The following RAPGEF6 variants were observed in gnomAD, a reference collection of about 807,000 sequenced individuals.
RAPGEF6 encodes Rap guanine nucleotide exchange factor 6.
RAPGEF6 carries 56 observed loss-of-function variants against 171.4 expected under a neutral mutation model. The observed-to-expected ratio is 0.33, with a 90% CI of 0.26 to 0.41. The LOEUF (loss-of-function observed/expected upper bound fraction) is 0.41. Among genes scored for constraint, RAPGEF6 ranks in the 10% least tolerant of loss-of-function variants. RAPGEF6 has a pLI of 1.00. For synonymous variants in RAPGEF6, 692 were observed against 650.1 expected (o/e 1.06, Z -0.98); for missense variants, 1,674 against 1,921.4 (o/e 0.87, Z 2.41).
chr5:131,484,214 T>A (rs1318996491), intron 15 of RAPGEF6, among the ~76,000 whole-genome samples: 1 of 147,754 alleles, frequency 6.8e-6, no homozygotes, highest in Non-Finnish European at 1.5e-5. Context: ...TTATACCCAC[T>A]GCAGAGGCTT....
intron 4 of RAPGEF6, among the ~76,000 whole-genome samples, chr5:131,571,778 C>A (rs754901773): frequency 3.3e-5 from 5 of 152,094 alleles, no homozygotes; most frequent in Non-Finnish European, 5.9e-5. Context: ...ACAATTTTTA[C>A]GAAGTTGGAG....
chr5:131,594,819 T>C (rs1463026908), intron 3 of RAPGEF6, among the ~76,000 whole-genome samples: 2 of 152,246 alleles, frequency 1.3e-5, no homozygotes, highest in Non-Finnish European at 2.9e-5. Context: ...CGGACTAGCA[T>C]GGGACCTGTA....
chr5:131,472,848 G>A, intron 16 of RAPGEF6, 104 bp from the exon 17 acceptor site: 2 of 1,004,384 alleles, frequency 2.0e-6, no homozygotes, highest in African/African-American at 1.6e-5. Context: ...AATTCAAAGA[G>A]GTGATTTAAA....
At chr5:131,597,303 T>A (rs562342983) in intron 3 of RAPGEF6, among the ~76,000 whole-genome samples, 1 of 150,232 alleles carries the variant, frequency 6.7e-6, no homozygotes, top group East Asian at 1.9e-4. Context: ...GAAAACAATA[T>A]GGAGGTTACT....
chr5:131,612,427 T>C (rs28550272), intron 1 of RAPGEF6, among the ~76,000 whole-genome samples: 11,283 of 151,962 alleles, frequency 0.074, 863 homozygotes, highest in African/African-American at 0.2. Context: ...GCTATGATTT[T>C]TGGTAGGTAA....
At chr5:131,629,178 T>C (rs1766133679) in intron 1 of RAPGEF6, among the ~76,000 whole-genome samples, 1 of 152,194 alleles carries the variant, frequency 6.6e-6, no homozygotes, top group African/African-American at 2.4e-5. Context: ...TCATTCCAGA[T>C]GCCATTAAAA....
rs1756587517 is a variant in RAPGEF6 at position 131,495,545 on chromosome 5, A to G, written c.1527+8T>C. 1 of 1,608,180 alleles carries G rather than the reference A, an allele frequency of 6.2e-7. No individual in the cohort carries two copies. The highest frequency in any genetic ancestry group is 8.5e-7 in the Non-Finnish European group (1 of 1,174,928). ...ACTCTGAAGAATAGAAATTATTTTG[A>G]GCCTTACTGTATCTTCCAGATTTTT... On this transcript the variant is annotated splice_region_variant and intron_variant, in intron 13 of 27. Coordinates refer to ENST00000509018, the MANE Select transcript of RAPGEF6 (RefSeq NM_016340.6).
chr5:131,547,065 A>G (rs1428518716), intron 6 of RAPGEF6, among the ~76,000 whole-genome samples: 5 of 152,218 alleles, frequency 3.3e-5, no homozygotes, highest in Non-Finnish European at 7.3e-5. Flanking sequence ...TCTGGATATG[A>G]TAAATTTTAG....
chr5:131,487,056 C>T (rs1755944275), intron 15 of RAPGEF6, among the ~76,000 whole-genome samples: 1 of 152,114 alleles, frequency 6.6e-6, no homozygotes, highest in Admixed American at 6.5e-5. Context: ...CCGGTGGGTT[C>T]CTGGTCTCGC....
At position 131,498,472 on chromosome 5, in the gene RAPGEF6, A is replaced by C. The variant is rs779234763; in HGVS notation, c.1390T>G (p.Trp464Gly). 1.2e-6 allele frequency: 2 copies of C among 1,613,044 alleles called. No homozygotes were observed. Among genetic ancestry groups the C allele is most frequent in the Non-Finnish European group, 1.7e-6 (2 of 1,179,640 alleles). ...PLDVGIKLLE[W>G]FKIDSLRDKV... Reference sequence around the variant, plus strand: ...TCTCTTAAGCTGTCGATCTTAAACCATTCCAATAGTTTGATCCCAACATCC... The same window carrying C: ...TCTCTTAAGCTGTCGATCTTAAACCCTTCCAATAGTTTGATCCCAACATCC... The change falls in exon 12 of 28, where the codon TGG (tryptophan) becomes GGG (glycine). Residue 464 changes from tryptophan to glycine, a missense_variant. Physicochemically the swap from Trp to Gly is radical, Grantham distance 184. This residue lies in a region of RAPGEF6 where 1,116 missense variants were observed against 1,321.5 expected (regional missense o/e 0.84). Transcript: ENST00000509018.
At chr5:131,596,813 A>G (rs2150008120) in intron 3 of RAPGEF6, among the ~76,000 whole-genome samples, 1 of 152,350 alleles carries the variant, frequency 6.6e-6, no homozygotes, top group South Asian at 2.1e-4. Context: ...GGAAAATGCT[A>G]TACAACACTG....
chr5:131,509,025 T>C (rs1398621860), intron 8 of RAPGEF6, among the ~76,000 whole-genome samples: 1 of 152,204 alleles, frequency 6.6e-6, no homozygotes, highest in East Asian at 1.9e-4. Flanking sequence ...TTTACTCACA[T>C]AAATGATTTT....
At chr5:131,620,344 T>G (rs1470792831) in intron 1 of RAPGEF6, among the ~76,000 whole-genome samples, 1 of 152,216 alleles carries the variant, frequency 6.6e-6, no homozygotes, top group African/African-American at 2.4e-5. Context: ...TAAACTTAGA[T>G]ACTATATGTT....
intron 16 of RAPGEF6, among the ~76,000 whole-genome samples, chr5:131,478,732 A>T (rs1755272480): frequency 6.6e-6 from 1 of 152,202 alleles, no homozygotes; most frequent in South Asian, 2.1e-4. Context: ...TCTCAGAGGT[A>T]AGGACCATCC....
intron 1 of RAPGEF6, among the ~76,000 whole-genome samples, chr5:131,623,375 C>A (rs1400494892): frequency 6.6e-6 from 1 of 151,836 alleles, no homozygotes; most frequent in African/African-American, 2.4e-5. Context: ...CACATTTTGC[C>A]ATTTTGCCAA....
In RAPGEF6 at chr5:131,431,357, T is replaced by C; in HGVS notation, c.3975-8A>G. ...GGCTTCAAGAGTGTCCACCTAAAAT[T>C]GGAGATAACGTACAATTAGAAGGCT... On this transcript the variant is annotated splice_polypyrimidine_tract_variant and splice_region_variant and intron_variant, in intron 25 of 27. Transcript: ENST00000509018. 6.3e-7 allele frequency: 1 copy of C among 1,580,372 alleles called. No homozygotes were observed. The highest frequency in any genetic ancestry group is 8.6e-7 in the Non-Finnish European group (1 of 1,159,818).
chr5:131,623,172 A>C (rs556955095), intron 1 of RAPGEF6, among the ~76,000 whole-genome samples: 1 of 152,350 alleles, frequency 6.6e-6, no homozygotes, highest in Admixed American at 6.5e-5. Context: ...GAAAGAACAT[A>C]AACAGTTAAA....
rs924727565 is a variant in RAPGEF6 at position 131,472,743 on chromosome 5, C to A, written c.2083G>T (p.Asp695Tyr). 5.0e-6 allele frequency: 8 copies of A among 1,606,106 alleles called. No individual in the cohort carries two copies. In the Admixed American group the frequency reaches 1.3e-4, roughly 27 times the overall value. ...TCTTGTGATTGGCTTAGGCCTCCAT[C>A]ACTTCAAAAGAATGTCATATATCAC... ...FSILPPKLFS[D>Y]GGLSQSQDDS... is the part of the protein sequence containing the mutation. Residue 695 changes from aspartate (D) to tyrosine (Y), a missense_variant and splice_region_variant, in exon 17 of 28, where the codon GAT becomes TAT. Transcript: ENST00000509018.
chr5:131,491,544 C>T (rs766330203), intron 14 of RAPGEF6, among the ~76,000 whole-genome samples: 1 of 152,124 alleles, frequency 6.6e-6, no homozygotes, highest in African/African-American at 2.4e-5. Flanking sequence ...CCCCAACCAC[C>T]AGGACACAGA....
Sources: gnomAD v4.1 joint callset for allele counts (sites outside exome capture counted in the v4.1 genomes callset) on GRCh38, gnomAD v4.1.1 for gene constraint, gnomAD v4.1.1 regional missense constraint, MANE v1.5 for transcripts, NCBI Gene and HGNC (gene_info 2026-07-23, HGNC 2026-07-21) for gene names.